The following ZNF41 variants were observed in gnomAD, a reference collection of about 807,000 sequenced individuals.
The protein encoded by ZNF41 is zinc finger protein 41.
In ZNF41, 6 loss-of-function variants were observed where a neutral mutation model predicts 9.3. The observed-to-expected ratio is 0.65, with a 90% CI of 0.35 to 1.28. The LOEUF (loss-of-function observed/expected upper bound fraction) is 1.28. Among genes scored for constraint, ZNF41 ranks in the 50% most tolerant of loss-of-function variants. ZNF41 has a pLI of 0.03. For synonymous variants in ZNF41, 192 were observed against 207.1 expected (o/e 0.93, Z 0.63); for missense variants, 523 against 585.8 (o/e 0.89, Z 1.11).
At chrX:47,476,441 C>A (rs1166450869) in intron 1 of ZNF41, among the ~76,000 whole-genome samples, 3 of 111,840 alleles carry the variant, frequency 2.7e-5, no homozygotes, top group Admixed American at 9.6e-5. Context: ...GGACTTCTAT[C>A]GAGATTATCT....
In ZNF41 at chrX:47,447,564, T is replaced by C; in HGVS notation, c.2206A>G (p.Met736Val). Residue 736 changes from methionine (M) to valine (V), a missense_variant, in exon 5 of 5, where the codon ATG becomes GTG. Met to Val is a conservative substitution (Grantham distance 21). Transcript: ENST00000684689. ...TTTCCTGTATGAATTATCTGATGCA[T>C]ACTTAGTGTGGCTTTCTGGATGAAA... ...KAFIQKATLS[M>V]HQIIHTGKKP... 2 of 1,212,117 alleles carry C rather than the reference T, an allele frequency of 1.7e-6. No individual in the cohort carries two copies. The highest frequency in any genetic ancestry group is 1.8e-5 in the South Asian group (1 of 57,019).
At chrX:47,457,403 C>T (rs764993217) in intron 2 of ZNF41, among the ~76,000 whole-genome samples, 30 of 108,170 alleles carry the variant, frequency 2.8e-4, no homozygotes, top group Middle Eastern at 4.8e-3. Flanking sequence ...CAGAGTGAGA[C>T]TCCGTCTAAA....
chrX:47,463,693 T>A (rs2056893238), intron 2 of ZNF41, among the ~76,000 whole-genome samples: 1 of 111,335 alleles, frequency 9.0e-6, no homozygotes, highest in South Asian at 3.7e-4. Context: ...TTTTGGCTGC[T>A]CCCTCTGGCT....
chrX:47,469,617 C>T (rs1230954596), intron 1 of ZNF41, among the ~76,000 whole-genome samples: 1 of 111,989 alleles, frequency 8.9e-6, no homozygotes, highest in Non-Finnish European at 1.9e-5. Flanking sequence ...CCATGACTCA[C>T]GCCTGTAATT....
Position 47,448,446 on chromosome X carries a change from C to T in ZNF41, c.1324G>A (p.Ala442Thr), listed in dbSNP as rs186696242. The change falls in exon 5 of 5, where the codon GCT (alanine) becomes ACT (threonine). Residue 442 changes from alanine to threonine, a missense_variant. By Grantham distance (58) the Ala-to-Thr change is moderately conservative (BLOSUM62 0). Transcript: ENST00000684689. ...TGGATGAAGGCCTTCCCACAGTCAG[C>T]GCATACATAAGGTTTCTCTCCCGTG... ...IHTGEKPYVC[A>T]DCGKAFIQKS... 156 of 1,209,025 alleles carry T rather than the reference C, an allele frequency of 1.3e-4. No individual in the cohort carries two copies. In the East Asian group the frequency reaches 1.9e-3, roughly 15 times the overall value.
chrX:47,453,097 T>A (rs952868887), intron 4 of ZNF41, among the ~76,000 whole-genome samples: 2 of 112,056 alleles, frequency 1.8e-5, no homozygotes, highest in Non-Finnish European at 1.9e-5. Context: ...TTTTCTTAAA[T>A]TATTTTTTTG....
chrX:47,462,966 CAT>C lies in ZNF41; in HGVS notation c.72+4442_72+4443del, dbSNP rs1187783841. Among the ~76,000 whole-genome samples the C allele has an allele frequency of 1.9e-3, 128 of 68,643 alleles. No individual in the cohort carries two copies. The South Asian group carries it at 0.026, about 14-fold the overall frequency. The allele number at this position is 68,643 out of a possible 115,157, so 59.6% of individuals were successfully genotyped here. A position where few individuals can be genotyped will look rare whatever the true frequency, so the allele number is the denominator to read the frequency against. ...ATATATACACACACACACACACACA[CAT>C]ATGTGTACACACACACACACACACA... is the stretch of plus-strand genomic sequence containing the variant. On this transcript the variant is annotated intron_variant, in intron 2 of 4. Transcript: ENST00000684689.
chrX:47,461,924 G>A (rs866009480), intron 2 of ZNF41, among the ~76,000 whole-genome samples: 2 of 104,742 alleles, frequency 1.9e-5, no homozygotes, highest in African/African-American at 7.1e-5. Flanking sequence ...GTGCAGGAGG[G>A]TGTCTCACAG....
intron 2 of ZNF41, among the ~76,000 whole-genome samples, chrX:47,459,594 A>G (rs1471216509): frequency 6.5e-5 from 7 of 107,569 alleles, no homozygotes; most frequent in African/African-American, 2.0e-4. Flanking sequence ...AACACAAAAA[A>G]TTAGCCAGGC....
At chrX:47,462,946 T>C (rs7885369) in intron 2 of ZNF41, among the ~76,000 whole-genome samples, 14,862 of 65,415 alleles carry the variant, frequency 0.23, 2,858 homozygotes, top group African/African-American at 0.53. Context: ...TATATATATA[T>C]ACACACACAC....
At chrX:47,482,532 T>C (rs1459423475) in intron 1 of ZNF41, 2 of 112,901 alleles carry the variant, frequency 1.8e-5, no homozygotes, top group South Asian at 3.6e-4. Context: ...ACATGCTTAG[T>C]GTCAGCTCCG....
At chrX:47,450,396 A>G (rs1458908644) in intron 4 of ZNF41, among the ~76,000 whole-genome samples, 2 of 110,079 alleles carry the variant, frequency 1.8e-5, no homozygotes, top group Non-Finnish European at 3.8e-5. Context: ...TTTTTAGTAG[A>G]GACGGGGTTA....
chrX:47,466,560 G>A (rs2056994775), intron 2 of ZNF41, among the ~76,000 whole-genome samples: 2 of 110,313 alleles, frequency 1.8e-5, no homozygotes, highest in African/African-American at 6.6e-5. Context: ...TCTCACTCAG[G>A]CTGGAATGCA....
At chrX:47,462,108 C>A (rs1281987000) in intron 2 of ZNF41, among the ~76,000 whole-genome samples, 1 of 110,606 alleles carries the variant, frequency 9.0e-6, no homozygotes, top group Non-Finnish European at 1.9e-5. Context: ...TCAAGGGATC[C>A]TTCCGGCCTC....
intron 2 of ZNF41, among the ~76,000 whole-genome samples, chrX:47,463,142 C>G (rs1438101377): frequency 1.8e-5 from 2 of 110,788 alleles, no homozygotes; most frequent in Non-Finnish European, 3.8e-5. Flanking sequence ...TACATTTCTA[C>G]TATGCTCTCC....
chrX:47,447,911 G>A lies in ZNF41; in HGVS notation c.1859C>T (p.Ser620Leu), dbSNP rs762710331. Residue 620 changes from serine to leucine, a missense_variant, in exon 5 of 5, where the codon TCG becomes TTG. Ser to Leu is a moderately radical substitution (Grantham distance 145). Coordinates refer to ENST00000684689, the MANE Select transcript of ZNF41 (RefSeq NM_001324144.2). ...PECGKAFIQK[S>L]HFIAHHRIHT... ...GATTCTATGATGCGCAATGAAGTGC[G>A]ATTTCTGGATAAAGGCCTTCCCGCA... The A allele has an allele frequency of 3.4e-5, 41 of 1,209,904 alleles. No individual in the cohort carries two copies. The East Asian group carries it at 1.1e-3, about 31-fold the overall frequency.
intron 3 of ZNF41, 30 bp downstream of exon 3, chrX:47,456,242 T>C: frequency 1.7e-6 from 2 of 1,210,496 alleles, no homozygotes; most frequent in Non-Finnish European, 2.2e-6. Flanking sequence ...AATACCCTCA[T>C]TAGCAGATGC....
chrX:47,480,640 A>T (rs755480104), intron 1 of ZNF41, among the ~76,000 whole-genome samples: 2 of 109,435 alleles, frequency 1.8e-5, no homozygotes, highest in African/African-American at 6.6e-5. Flanking sequence ...ATATAGTTAC[A>T]ATATAGGTTA....
At chrX:47,474,876 TAA>T (rs35807470) in intron 1 of ZNF41, among the ~76,000 whole-genome samples, 16 of 67,464 alleles carry the variant, frequency 2.4e-4, no homozygotes, top group Middle Eastern at 0.011. Context: ...AGAACCTGTC[TAA>T]AAAAAAAAAA....
Sources: gnomAD v4.1 joint callset for allele counts (sites outside exome capture counted in the v4.1 genomes callset) on GRCh38, gnomAD v4.1.1 for gene constraint, MANE v1.5 for transcripts, NCBI Gene and HGNC (gene_info 2026-07-23, HGNC 2026-07-21) for gene names.